CACHD1: variants seen among roughly 807,000 people sequenced by gnomAD.
CACHD1 encodes the protein cache domain containing 1.
CACHD1 carries 71 observed loss-of-function variants against 138.7 expected under a neutral mutation model. The ratio of observed to expected loss-of-function variants is 0.51; its 90% CI spans 0.42 to 0.62. The LOEUF is 0.62. Among genes scored for constraint, CACHD1 ranks in the 20% least tolerant of loss-of-function variants. The pLI is 0.00. For synonymous variants in CACHD1, 578 were observed against 591.5 expected (o/e 0.98, Z 0.33); for missense variants, 1,389 against 1,625.3 (o/e 0.85, Z 2.50).
chr1:64,662,891 T>C (rs1325511066), intron 13 of CACHD1, among the ~76,000 whole-genome samples: 2 of 152,254 alleles, frequency 1.3e-5, no homozygotes, highest in Non-Finnish European at 2.9e-5. Flanking sequence ...TTTGCATTGA[T>C]TTCACTGTTC....
intron 1 of CACHD1, among the ~76,000 whole-genome samples, chr1:64,508,408 T>C (rs1252978155): frequency 6.6e-6 from 1 of 152,186 alleles, no homozygotes; most frequent in African/African-American, 2.4e-5. Flanking sequence ...GGGTGAGAGC[T>C]TCTGGTGGAA....
At chr1:64,492,440 G>A (rs1646282586) in intron 1 of CACHD1, among the ~76,000 whole-genome samples, 1 of 142,260 alleles carries the variant, frequency 7.0e-6, no homozygotes, top group Non-Finnish European at 1.6e-5. Flanking sequence ...TGTCCCCTTT[G>A]GCCTTTGTCT....
intron 2 of CACHD1, among the ~76,000 whole-genome samples, chr1:64,559,164 A>G (rs1321066423): frequency 2.6e-5 from 4 of 152,242 alleles, no homozygotes; most frequent in Non-Finnish European, 5.9e-5. Context: ...CCAGAGGAAT[A>G]TAAGCATTCT....
At chr1:64,690,037 A>G (rs892727811) in intron 26 of CACHD1, among the ~76,000 whole-genome samples, 9 of 152,182 alleles carry the variant, frequency 5.9e-5, no homozygotes, top group African/African-American at 1.4e-4. Flanking sequence ...CCAGCCCCAT[A>G]ATGGTCTCCA....
At chr1:64,679,479 C>G (rs906157022) in intron 23 of CACHD1, 116 bp from the exon 24 acceptor site, 2 of 1,104,958 alleles carry the variant, frequency 1.8e-6, no homozygotes, top group African/African-American at 3.1e-5. Context: ...AACTAAGCAT[C>G]TGTTTATCTT....
intron 1 of CACHD1, among the ~76,000 whole-genome samples, chr1:64,500,881 C>T (rs2782606): frequency 6.6e-6 from 1 of 151,948 alleles, no homozygotes; most frequent in Admixed American, 6.6e-5. Context: ...AACCCCGTCT[C>T]TACTAAAAAT....
intron 1 of CACHD1, among the ~76,000 whole-genome samples, chr1:64,530,104 A>G (rs1646570549): frequency 6.6e-6 from 1 of 152,234 alleles, no homozygotes; most frequent in African/African-American, 2.4e-5. Flanking sequence ...GGATTTAATA[A>G]CACAGAACCC....
intron 2 of CACHD1, among the ~76,000 whole-genome samples, chr1:64,553,068 G>A (rs972558345): frequency 6.6e-5 from 10 of 152,120 alleles, no homozygotes; most frequent in African/African-American, 9.7e-5. Flanking sequence ...CAGTTGTGTC[G>A]TTGTTATTAT....
intron 1 of CACHD1, among the ~76,000 whole-genome samples, chr1:64,509,782 T>A (rs922962535): frequency 2.6e-5 from 4 of 152,202 alleles, no homozygotes; most frequent in Admixed American, 6.5e-5. Flanking sequence ...CCTTCTCAGT[T>A]TATTAACAAT....
intron 1 of CACHD1, among the ~76,000 whole-genome samples, chr1:64,514,086 T>G (rs1646441562): frequency 6.6e-6 from 1 of 152,238 alleles, no homozygotes; most frequent in Non-Finnish European, 1.5e-5. Flanking sequence ...TTTATACAAT[T>G]CATTTCCATC....
chr1:64,537,863 A>T (rs7530864), intron 1 of CACHD1, among the ~76,000 whole-genome samples: 2 of 152,066 alleles, frequency 1.3e-5, no homozygotes, highest in African/African-American at 2.4e-5. Context: ...GGCAAATCCA[A>T]CCTCTCCAAG....
At chr1:64,550,214 T>A (rs895732885) in intron 1 of CACHD1, among the ~76,000 whole-genome samples, 5 of 152,222 alleles carry the variant, frequency 3.3e-5, no homozygotes, top group African/African-American at 1.2e-4. Flanking sequence ...TAAAGATCTT[T>A]ATTGCATTAG....
rs565485531 is a variant in CACHD1, at chr1:64,548,897, C to T, written c.199-1697C>T. ...TTATGTTCAGGTGTTAGCTCATGAC[C>T]GCAGCATCTTTTAATGTATGTAAAG... On this transcript the variant is annotated intron_variant, in intron 1 of 26. Transcript: ENST00000651257. Among the ~76,000 whole-genome samples the T allele has an allele frequency of 1.7e-3, 261 of 152,208 alleles. 3 individuals are homozygous for T. The highest frequency in any genetic ancestry group is 1.1e-3 in the Non-Finnish European group (74 of 68,010).
intron 12 of CACHD1, among the ~76,000 whole-genome samples, chr1:64,656,666 A>C (rs1262786567): frequency 1.3e-5 from 2 of 152,062 alleles, no homozygotes; most frequent in African/African-American, 2.4e-5. Context: ...TTCTTAGGCA[A>C]ATTCGAGGTA....
At chr1:64,586,062 GCCTT>G (rs1647048947) in intron 3 of CACHD1, among the ~76,000 whole-genome samples, 1 of 151,990 alleles carries the variant, frequency 6.6e-6, no homozygotes, top group Non-Finnish European at 1.5e-5. Context: ...TTCAGTTCAC[GCCTT>G]CCTTTTGTTT....
rs190212015 is a variant in CACHD1 at position 64,477,780 on chromosome 1, G to A, written c.198+6838G>A. Among the ~76,000 whole-genome samples, 1,373 of 151,040 alleles carry A rather than the reference G, an allele frequency of 9.1e-3. 23 individuals are homozygous for A. The highest frequency in any genetic ancestry group is 0.032 in the African/African-American group (1,305 of 41,254). ...CTCCCGAGTAGCTGGGACTACAGGCGCCTGCCACCGCGCCCGGCTAATTTT... is the reference window on the plus strand; with the variant it reads ...CTCCCGAGTAGCTGGGACTACAGGCACCTGCCACCGCGCCCGGCTAATTTT... On this transcript the variant is annotated intron_variant, in intron 1 of 26. Transcript: ENST00000651257.
chr1:64,551,424 T>G (rs1055054719), intron 2 of CACHD1, among the ~76,000 whole-genome samples: 2 of 152,174 alleles, frequency 1.3e-5, no homozygotes, highest in Non-Finnish European at 2.9e-5. Flanking sequence ...GGTTTTAATT[T>G]CAGCGAATCC....
intron 25 of CACHD1, among the ~76,000 whole-genome samples, chr1:64,681,541 G>GTTTTTTTT (rs57993424): frequency 2.3e-3 from 158 of 67,990 alleles, no homozygotes; most frequent in African/African-American, 5.4e-3. Flanking sequence ...ATTTTATTGT[G>GTTTTTTTT]TTTTTTTTTT....
intron 1 of CACHD1, among the ~76,000 whole-genome samples, chr1:64,475,364 C>G (rs545244133): frequency 1.9e-4 from 29 of 149,446 alleles, no homozygotes; most frequent in Admixed American, 1.8e-3. Flanking sequence ...TGGAGTCTCA[C>G]TCTGTTGGCC....
Sources: allele counts gnomAD v4.1 joint callset (sites outside exome capture counted in the v4.1 genomes callset), GRCh38; gene constraint gnomAD v4.1.1; transcripts MANE v1.5; gene names NCBI Gene and HGNC (gene_info 2026-07-23, HGNC 2026-07-21).